The following CDH18 variants were observed in gnomAD, a reference collection of about 807,000 sequenced individuals.
The protein encoded by CDH18 is cadherin-18.
In CDH18, 31 loss-of-function variants were observed where a neutral mutation model predicts 67.9. The observed-to-expected ratio is 0.46, with a 90% CI of 0.34 to 0.62. The LOEUF (loss-of-function observed/expected upper bound fraction) is 0.62, where lower values mean the gene tolerates loss of function less well. Among genes scored for constraint, CDH18 ranks in the 20% least tolerant of loss-of-function variants. CDH18 has a pLI of 0.01. For synonymous variants in CDH18, 362 were observed against 347.2 expected (o/e 1.04, Z -0.48); for missense variants, 890 against 975.5 (o/e 0.91, Z 1.17).
chr5:19,912,345 A>G (rs955168669), intron 2 of CDH18, among the ~76,000 whole-genome samples: 3 of 152,088 alleles, frequency 2.0e-5, no homozygotes, highest in African/African-American at 7.2e-5. Context: ...TGGGAGTTTA[A>G]GGGAGATAAA....
At chr5:20,302,288 T>C (rs185784669) in intron 1 of CDH18, among the ~76,000 whole-genome samples, 148 of 152,252 alleles carry the variant, frequency 9.7e-4, no homozygotes, top group African/African-American at 3.2e-3. Context: ...TTTTTAAAAG[T>C]TGAATAAACT....
chr5:20,190,563 C>T (rs922368977), intron 2 of CDH18, among the ~76,000 whole-genome samples: 11 of 152,050 alleles, frequency 7.2e-5, no homozygotes, highest in Non-Finnish European at 1.5e-5. Context: ...CCTAATTTTT[C>T]CAGTTGCTGG....
At chr5:19,903,246 GTTAA>G (rs1045287220) in intron 2 of CDH18, among the ~76,000 whole-genome samples, 5 of 151,506 alleles carry the variant, frequency 3.3e-5, no homozygotes, top group African/African-American at 7.3e-5. Flanking sequence ...AAGGGGAAGT[GTTAA>G]TTAATTTTTA....
intron 1 of CDH18, among the ~76,000 whole-genome samples, chr5:20,443,101 T>A (rs1749733133): frequency 7.0e-6 from 1 of 143,870 alleles, no homozygotes; most frequent in Admixed American, 7.2e-5. Flanking sequence ...TCCCAGCTAC[T>A]TGGGAGGCTG....
At position 19,549,767 on chromosome 5, in the gene CDH18, A is replaced by G. The variant is rs192233608; in HGVS notation, c.1254-5762T>C. On this transcript the variant is annotated intron_variant, in intron 8 of 12. Coordinates refer to ENST00000382275, the MANE Select transcript of CDH18 (RefSeq NM_004934.5). Reference sequence around the variant, plus strand: ...AGAAAAGAAAAAGAAAGAAAGAAAAAGAAAGAAAGAAAGGAAGAAAGAAAG... The same window carrying G: ...AGAAAAGAAAAAGAAAGAAAGAAAAGGAAAGAAAGAAAGGAAGAAAGAAAG... Among the ~76,000 whole-genome samples, 1,243 of 132,436 alleles carry G rather than the reference A, an allele frequency of 9.4e-3. 8 individuals are homozygous for G. Among genetic ancestry groups the G allele is most frequent in the Non-Finnish European group, 0.015 (908 of 59,810 alleles). The allele number at this position is 132,436 out of a possible 152,430, so 86.9% of individuals were successfully genotyped here.
At chr5:19,777,083 C>T (rs1254723553) in intron 3 of CDH18, among the ~76,000 whole-genome samples, 1 of 152,024 alleles carries the variant, frequency 6.6e-6, no homozygotes, top group Admixed American at 6.6e-5. Flanking sequence ...AGTTCAAGAC[C>T]AGCATGTCCA....
rs529294917 is a variant in CDH18, at chr5:20,184,978, C to T, written c.-518+70466G>A. ...CCTCAGGGTCACCATCATATCCAAA[C>T]TACCAATTGAGTTAGTTACAACATT... On this transcript the variant is annotated intron_variant, in intron 2 of 14. Transcript: ENST00000507958. Among the ~76,000 whole-genome samples the T allele has an allele frequency of 4.3e-3, 649 of 152,212 alleles. 2 individuals are homozygous for T. Among genetic ancestry groups the T allele is most frequent in the Non-Finnish European group, 6.8e-3 (465 of 67,978 alleles).
At chr5:20,424,803 T>C (rs1243765065) in intron 1 of CDH18, among the ~76,000 whole-genome samples, 1 of 138,222 alleles carries the variant, frequency 7.2e-6, no homozygotes, top group Non-Finnish European at 1.5e-5. Flanking sequence ...GAAAACATGG[T>C]TTCAGACACT....
chr5:19,704,063 AT>A (rs1452464054), intron 5 of CDH18, among the ~76,000 whole-genome samples: 1 of 152,204 alleles, frequency 6.6e-6, no homozygotes, highest in Non-Finnish European at 1.5e-5. Flanking sequence ...TGATTGTGTC[AT>A]ATGTGGAAAT....
intron 1 of CDH18, chr5:20,255,520 A>G (rs1744164538): frequency 6.6e-6 from 1 of 152,134 alleles, no homozygotes. Flanking sequence ...ATAAAAATAA[A>G]ACAAAAATAT....
At chr5:19,815,306 GTT>G (rs1779170090) in intron 3 of CDH18, among the ~76,000 whole-genome samples, 1 of 151,852 alleles carries the variant, frequency 6.6e-6, no homozygotes, top group Non-Finnish European at 1.5e-5. Context: ...CAGATGTCAC[GTT>G]TTGATATAAA....
chr5:20,281,285 G>A (rs994155328), intron 1 of CDH18, among the ~76,000 whole-genome samples: 8 of 152,140 alleles, frequency 5.3e-5, no homozygotes, highest in Admixed American at 4.6e-4. Flanking sequence ...CCTTGCCCAT[G>A]CCTATGTCCT....
chr5:19,709,211 G>T (rs564508001), intron 5 of CDH18, among the ~76,000 whole-genome samples: 1 of 152,010 alleles, frequency 6.6e-6, no homozygotes, highest in Non-Finnish European at 1.5e-5. Context: ...GGAGGAAAGG[G>T]TTTGGGGAAC....
chr5:19,473,207 G>C lies in CDH18; in HGVS notation c.*19C>G. ...CTTACTCAGGAAGCAAATTCCACAA[G>C]GTTGCAAGAACTGACCCCCTAAGTT... On this transcript the variant is annotated 3_prime_UTR_variant, in exon 13 of 13. Transcript: ENST00000382275. The C allele has an allele frequency of 6.2e-7, 1 of 1,605,970 alleles. No homozygotes were observed. Among genetic ancestry groups the C allele is most frequent in the Non-Finnish European group, 8.5e-7 (1 of 1,174,904 alleles).
intron 1 of CDH18, among the ~76,000 whole-genome samples, chr5:20,315,108 C>CA (rs1381006080): frequency 6.6e-6 from 1 of 151,824 alleles, no homozygotes; most frequent in Non-Finnish European, 1.5e-5. Context: ...TAGGAACAAA[C>CA]AAAAAAAGTA....
At chr5:20,151,828 C>T (rs763535157) in intron 2 of CDH18, among the ~76,000 whole-genome samples, 3 of 151,806 alleles carry the variant, frequency 2.0e-5, no homozygotes, top group Non-Finnish European at 4.4e-5. Flanking sequence ...AAGAAATGGT[C>T]TCAGTAGAAT....
chr5:20,121,182 T>A (rs955890372), intron 2 of CDH18, among the ~76,000 whole-genome samples: 2 of 152,172 alleles, frequency 1.3e-5, no homozygotes, highest in Non-Finnish European at 2.9e-5. Context: ...TTGCTGAATG[T>A]TGTGTGATTC....
chr5:20,431,298 C>T (rs559524884), intron 1 of CDH18, among the ~76,000 whole-genome samples: 1 of 152,024 alleles, frequency 6.6e-6, no homozygotes, highest in Admixed American at 6.6e-5. Context: ...TGAGACCAGT[C>T]TGGCCAATAT....
At chr5:19,876,665 T>G (rs1787044378) in intron 2 of CDH18, among the ~76,000 whole-genome samples, 1 of 112,274 alleles carries the variant, frequency 8.9e-6, no homozygotes, top group South Asian at 3.5e-4. Context: ...TCCAGGAATC[T>G]TTAACTTTTA....
Sources: gnomAD v4.1 joint callset for allele counts (sites outside exome capture counted in the v4.1 genomes callset) on GRCh38, gnomAD v4.1.1 for gene constraint, MANE v1.5 for transcripts, NCBI Gene and HGNC (gene_info 2026-07-23, HGNC 2026-07-21) for gene names.